GBE1: variants seen among roughly 807,000 people sequenced by gnomAD.
GBE1 encodes the protein 1,4-alpha-glucan branching enzyme 1.
GBE1 carries 70 observed loss-of-function variants against 88.8 expected under a neutral mutation model. That is an observed-to-expected ratio of 0.79 (90% CI 0.65 to 0.96). The LOEUF (loss-of-function observed/expected upper bound fraction) is 0.96, where lower values mean the gene tolerates loss of function less well. GBE1 is among the 40% of genes least tolerant of loss of function. The pLI, the probability that GBE1 is intolerant of heterozygous loss-of-function variation, is 0.00. For synonymous variants in GBE1, 284 were observed against 300.1 expected (o/e 0.95, Z 0.56); for missense variants, 872 against 871.0 (o/e 1.00, Z -0.01).
At chr3:81,671,228 C>T (rs1018000573) in intron 2 of GBE1, among the ~76,000 whole-genome samples, 10 of 152,026 alleles carry the variant, frequency 6.6e-5, no homozygotes, top group African/African-American at 9.7e-5. Context: ...ATACTTCTGT[C>T]AATAAACAGA....
At chr3:81,533,344 G>C (rs1341437000) in intron 14 of GBE1, among the ~76,000 whole-genome samples, 1 of 152,016 alleles carries the variant, frequency 6.6e-6, no homozygotes, top group African/African-American at 2.4e-5. Flanking sequence ...CCATCACATT[G>C]ATTTATCTGT....
chr3:81,571,152 C>T (rs888253936), intron 12 of GBE1, among the ~76,000 whole-genome samples: 2 of 152,168 alleles, frequency 1.3e-5, no homozygotes, highest in Admixed American at 6.5e-5. Flanking sequence ...TGACTTCCTA[C>T]ATCATGTCCC....
intron 7 of GBE1, among the ~76,000 whole-genome samples, chr3:81,622,023 T>G (rs1311074131): frequency 6.6e-6 from 1 of 152,230 alleles, no homozygotes; most frequent in Non-Finnish European, 1.5e-5. Flanking sequence ...TCCCATCAGC[T>G]GAACTATCAC....
intron 6 of GBE1, among the ~76,000 whole-genome samples, chr3:81,646,024 A>G (rs1381273197): frequency 2.0e-5 from 3 of 151,898 alleles, no homozygotes; most frequent in Admixed American, 2.0e-4. Flanking sequence ...GTACCAAGGG[A>G]CTCTTCGGTG....
At chr3:81,492,712 CCT>C (rs1177665090) in intron 15 of GBE1, among the ~76,000 whole-genome samples, 70 of 125,976 alleles carry the variant, frequency 5.6e-4, no homozygotes, top group African/African-American at 2.4e-3. Context: ...TTCTTCCTTT[CCT>C]TCCTTCCTTC....
chr3:81,757,613 C>T (rs545140218), intron 1 of GBE1, among the ~76,000 whole-genome samples: 4 of 152,176 alleles, frequency 2.6e-5, no homozygotes, highest in East Asian at 1.9e-4. Flanking sequence ...TAGGAGGAGA[C>T]GGGAGTAATT....
chr3:81,620,186 T>C (rs1576172802), intron 7 of GBE1, among the ~76,000 whole-genome samples: 1 of 23,218 alleles, frequency 4.3e-5, no homozygotes, highest in African/African-American at 5.7e-4. Flanking sequence ...ATGGAAATAA[T>C]TTTTTTTTTT....
chr3:81,697,361 G>A (rs1576203500), intron 2 of GBE1, among the ~76,000 whole-genome samples: 2 of 150,636 alleles, frequency 1.3e-5, no homozygotes, highest in African/African-American at 4.9e-5. Flanking sequence ...GTGCAGGGGT[G>A]TGATCTCGGC....
chr3:81,625,540 G>A (rs1032024297), intron 7 of GBE1, among the ~76,000 whole-genome samples: 1 of 151,970 alleles, frequency 6.6e-6, no homozygotes, highest in Non-Finnish European at 1.5e-5. Flanking sequence ...TTGGGCTCAA[G>A]CAATCCTCCC....
At chr3:81,577,846 C>T in intron 12 of GBE1, 79 bp downstream of exon 12, 2 of 1,192,526 alleles carry the variant, frequency 1.7e-6, no homozygotes, top group Non-Finnish European at 2.3e-6. Context: ...AAAGCCAAAT[C>T]AAAATATTCT....
intron 2 of GBE1, among the ~76,000 whole-genome samples, chr3:81,698,085 T>G (rs1205381577): frequency 6.7e-6 from 1 of 148,416 alleles, no homozygotes; most frequent in Admixed American, 6.8e-5. Context: ...TATATATATC[T>G]TACAACACGA....
At chr3:81,656,312 G>C (rs570143853) in intron 3 of GBE1, among the ~76,000 whole-genome samples, 13 of 152,274 alleles carry the variant, frequency 8.5e-5, no homozygotes, top group African/African-American at 2.9e-4. Context: ...TATAGAAGAG[G>C]AGAAGACACT....
At chr3:81,641,281 A>C (rs1173765309) in intron 7 of GBE1, among the ~76,000 whole-genome samples, 4 of 152,136 alleles carry the variant, frequency 2.6e-5, no homozygotes, top group Non-Finnish European at 5.9e-5. Context: ...AGTTCAATTA[A>C]TTGAATTTCT....
intron 7 of GBE1, among the ~76,000 whole-genome samples, chr3:81,607,753 T>G (rs1704123372): frequency 6.6e-6 from 1 of 152,218 alleles, no homozygotes; most frequent in Non-Finnish European, 1.5e-5. Flanking sequence ...TAGTCAAGTC[T>G]AAAATGTCAT....
At chr3:81,568,307 A>G (rs1703525094) in intron 12 of GBE1, among the ~76,000 whole-genome samples, 3 of 151,938 alleles carry the variant, frequency 2.0e-5, no homozygotes. Context: ...GCCACCATGC[A>G]CAGCTAATTT....
intron 14 of GBE1, among the ~76,000 whole-genome samples, chr3:81,512,450 T>C (rs547977603): frequency 1.3e-5 from 2 of 151,990 alleles, no homozygotes; most frequent in South Asian, 4.1e-4. Flanking sequence ...TGCTTTTGAG[T>C]GTCAGAAACC....
intron 14 of GBE1, chr3:81,509,592 A>T (rs950680952): frequency 5.9e-5 from 9 of 151,828 alleles, no homozygotes; most frequent in Middle Eastern, 3.4e-3. Context: ...TTTCTCTGCC[A>T]TATAGGACCT....
intron 7 of GBE1, among the ~76,000 whole-genome samples, chr3:81,607,217 A>G (rs1008452393): frequency 2.0e-5 from 3 of 152,142 alleles, no homozygotes; most frequent in African/African-American, 4.8e-5. Context: ...AAAATGGGGG[A>G]AAAACTATTG....
chr3:81,678,444 G>A (rs1016657533), intron 2 of GBE1, among the ~76,000 whole-genome samples: 3 of 152,110 alleles, frequency 2.0e-5, no homozygotes, highest in African/African-American at 7.2e-5. Context: ...ATAAAAGTAT[G>A]TGTCTTTATT....
Sources: gnomAD v4.1 joint callset for allele counts (sites outside exome capture counted in the v4.1 genomes callset) on GRCh38, gnomAD v4.1.1 for gene constraint, MANE v1.5 for transcripts, NCBI Gene and HGNC (gene_info 2026-07-23, HGNC 2026-07-21) for gene names.